Variants in ANKRA2 observed in about 807,000 individuals in gnomAD.
ANKRA2 encodes the protein ankyrin repeat family A member 2.
Under a neutral mutation model 37.8 loss-of-function variants are expected in ANKRA2, and 33 were observed. The observed-to-expected ratio is 0.87, with a 90% CI of 0.66 to 1.17. ANKRA2 has a LOEUF of 1.17. Among genes scored for constraint, ANKRA2 ranks in the 50% most tolerant of loss-of-function variants. The pLI is 0.00. For missense variants in ANKRA2, 326 were observed against 373.7 expected (o/e 0.87, Z 1.05); for synonymous variants, 126 against 132.3 (o/e 0.95, Z 0.33).
chr5:73,552,884 C>G (rs976618642), intron 8 of ANKRA2, 32 bp from the exon 9 acceptor site: 2 of 1,517,140 alleles, frequency 1.3e-6, no homozygotes, highest in African/African-American at 1.4e-5. Context: ...GATTACAGCA[C>G]AGTGACTATA....
chr5:73,554,371 CAG>C lies in ANKRA2; in HGVS notation c.754_755del (p.Leu252AlafsTer21). On this transcript the variant is annotated frameshift_variant, in exon 7 of 9. Coordinates refer to ENST00000296785, the MANE Select transcript of ANKRA2 (RefSeq NM_023039.5). LOFTEE classifies it high-confidence loss of function. ...CATGATTTCCATGTACAGCATAAAG[CAG>C]AGGTGTTCCTCCATTCTGCAAAATG... ...NEYDWNGGTP[L>X]LYAVHGNHVK... The C allele has an allele frequency of 1.2e-6, 2 of 1,613,418 alleles. No homozygotes were observed. The highest frequency in any genetic ancestry group is 1.7e-5 in the Admixed American group (1 of 59,942).
At chr5:73,555,459 A>G (rs374150077) in intron 5 of ANKRA2, 29 bp downstream of exon 5, 2 of 1,611,026 alleles carry the variant, frequency 1.2e-6, no homozygotes, top group African/African-American at 1.3e-5. Context: ...GTAACTATAC[A>G]TATACATTTT....
chr5:73,561,466 CA>C (rs796578276), intron 2 of ANKRA2, 178 bp from the exon 3 acceptor site: 82,881 of 464,520 alleles, frequency 0.18, no homozygotes, highest in South Asian at 0.27. Context: ...AATGGTTAGT[CA>C]AAAAAAAAAA....
intron 4 of ANKRA2, among the ~76,000 whole-genome samples, chr5:73,556,807 A>G (rs373014143): frequency 6.6e-6 from 1 of 152,100 alleles, no homozygotes; most frequent in Non-Finnish European, 1.5e-5. Flanking sequence ...CCAGTAGACC[A>G]TAACTTAAAA....
At chr5:73,553,625 A>ACTC in intron 7 of ANKRA2, 139 bp from the exon 8 acceptor site, 2 of 671,768 alleles carry the variant, frequency 3.0e-6, no homozygotes, top group Non-Finnish European at 5.1e-6. Context: ...TACAGAGTGC[A>ACTC]TGGGGTACTT....
chr5:73,561,683 C>T (rs1424923324), intron 2 of ANKRA2, among the ~76,000 whole-genome samples: 1 of 151,984 alleles, frequency 6.6e-6, no homozygotes, highest in Non-Finnish European at 1.5e-5. Flanking sequence ...AGGAGAATTG[C>T]TTGAACCCAG....
At chr5:73,555,384 G>T in intron 5 of ANKRA2, 104 bp downstream of exon 5, 3 of 1,480,744 alleles carry the variant, frequency 2.0e-6, no homozygotes, top group South Asian at 1.3e-5. Context: ...AACTTTTTTT[G>T]GTAGCCTCTA....
In ANKRA2 at chr5:73,562,974, A is replaced by G. The variant is rs1747596837; in HGVS notation, c.-93T>C. 2.5e-6 allele frequency: 3 copies of G among 1,196,818 alleles called. No individual in the cohort carries two copies. The highest frequency in any genetic ancestry group is 3.4e-6 in the Non-Finnish European group (3 of 877,144). The allele number at this position is 1,196,818 out of a possible 1,614,324, so 74.1% of individuals were successfully genotyped here. On this transcript the variant is annotated 5_prime_UTR_variant, in exon 2 of 9. Coordinates refer to ENST00000296785, the MANE Select transcript of ANKRA2 (RefSeq NM_023039.5). ...TATCCAGTGTGTTCTTGGAATCTGG[A>G]TATTTAAAAATCTGAAAGAAAAAAT...
chr5:73,552,893 T>C (rs781253300), intron 8 of ANKRA2, 41 bp from the exon 9 acceptor site: 6 of 1,480,042 alleles, frequency 4.1e-6, no homozygotes, highest in South Asian at 1.2e-5. Context: ...ACAGTGACTA[T>C]AAAATTTCTT....
At chr5:73,557,722 A>G in intron 3 of ANKRA2, 82 bp from the exon 4 acceptor site, 1 of 978,090 alleles carries the variant, frequency 1.0e-6, no homozygotes, top group African/African-American at 1.7e-5. Flanking sequence ...TGTGTCACCA[A>G]TTTTCTTTTC....
intron 1 of ANKRA2, among the ~76,000 whole-genome samples, chr5:73,564,304 G>A (rs1218301214): frequency 6.6e-6 from 1 of 152,144 alleles, no homozygotes; most frequent in Non-Finnish European, 1.5e-5. Context: ...CTCCTATCCA[G>A]CGGTTGGCTA....
chr5:73,559,126 A>C (rs931395107), intron 3 of ANKRA2, among the ~76,000 whole-genome samples: 20 of 152,232 alleles, frequency 1.3e-4, no homozygotes, highest in Non-Finnish European at 4.4e-5. Flanking sequence ...AATTTATATA[A>C]GTAAACCAGA....
chr5:73,553,399 T>C lies in ANKRA2; in HGVS notation c.886+7A>G. ...AAGATGAGACACAGGAGTTCTAACA[T>C]ACTTACCACTTCTATAGCCTAGGGC... On this transcript the variant is annotated splice_region_variant and intron_variant, in intron 8 of 8. Coordinates refer to ENST00000296785, the MANE Select transcript of ANKRA2 (RefSeq NM_023039.5). 1 of 1,604,432 alleles carries C rather than the reference T, an allele frequency of 6.2e-7. No individual in the cohort carries two copies. The highest frequency in any genetic ancestry group is 8.5e-7 in the Non-Finnish European group (1 of 1,172,464).
chr5:73,561,152 A>C lies in ANKRA2; in HGVS notation c.426T>G (p.Ser142=). The C allele has an allele frequency of 6.2e-7, 1 of 1,613,828 alleles. No homozygotes were observed. Among genetic ancestry groups the C allele is most frequent in the Non-Finnish European group, 8.5e-7 (1 of 1,179,892 alleles). Reference sequence around the variant, plus strand: ...TACAATTTGCTAACAGAGGTGTGGTAGAGACCTCATTTCCTCTGTGTTTGT... The same window carrying C: ...TACAATTTGCTAACAGAGGTGTGGTCGAGACCTCATTTCCTCTGTGTTTGT... The part of the protein sequence containing the change: ...LTNKHRGNEV[S]TTPLLANSLS... The change falls in exon 3 of 9, where the codon TCT becomes TCG. Residue 142 remains serine (S), a synonymous_variant. Coordinates refer to ENST00000296785, the MANE Select transcript of ANKRA2 (RefSeq NM_023039.5).
intron 3 of ANKRA2, among the ~76,000 whole-genome samples, chr5:73,558,043 C>G (rs1438202843): frequency 1.3e-5 from 2 of 151,964 alleles, no homozygotes; most frequent in South Asian, 2.1e-4. Context: ...TGCCACTGCA[C>G]TCCAGTCTGG....
chr5:73,563,093 C>T (rs343106), intron 1 of ANKRA2, 108 bp from the exon 2 acceptor site: 321,872 of 456,846 alleles, frequency 0.7, 113,911 homozygotes, highest in East Asian at 0.83. Context: ...AAAGCACCTA[C>T]ACATAATAGA....
At chr5:73,553,333 T>C (rs1452778933) in intron 8 of ANKRA2, 73 bp downstream of exon 8, 17 of 1,092,720 alleles carry the variant, frequency 1.6e-5, no homozygotes, top group Admixed American at 2.3e-5. Context: ...GTGATAAAGA[T>C]GGTTTGGAGT....
At chr5:73,555,037 T>C in intron 5 of ANKRA2, 51 bp from the exon 6 acceptor site, 1 of 1,580,896 alleles carries the variant, frequency 6.3e-7, no homozygotes, top group East Asian at 2.2e-5. Context: ...TAAACAAGAA[T>C]ATTGTTATTC....
chr5:73,553,427 C>T lies in ANKRA2; in HGVS notation c.865G>A (p.Val289Ile). 1.9e-6 allele frequency: 3 copies of T among 1,613,216 alleles called. No individual in the cohort carries two copies. In the East Asian group the frequency reaches 6.7e-5, roughly 36 times the overall value. Residue 289 changes from valine to isoleucine, a missense_variant, in exon 8 of 9, where the codon GTA becomes ATA. Val to Ile is a conservative substitution (Grantham distance 29). Around this residue, in one of 3 missense-constraint regions of ANKRA2, gnomAD observed 228 missense variants for 260.2 expected, o/e 0.88. Coordinates refer to ENST00000296785, the MANE Select transcript of ANKRA2 (RefSeq NM_023039.5). ...TTACCACTTCTATAGCCTAGGGCTA[C>T]AGCTAGATCCATAGAATTATATCCA... is the stretch of plus-strand genomic sequence containing the variant. ...DSGYNSMDLAVALGYRSVQQV... is the reference protein window; with the variant it reads ...DSGYNSMDLAIALGYRSVQQV...
Sources: gnomAD v4.1 joint callset for allele counts (sites outside exome capture counted in the v4.1 genomes callset) on GRCh38, gnomAD v4.1.1 for gene constraint, gnomAD v4.1.1 regional missense constraint, MANE v1.5 for transcripts, NCBI Gene and HGNC (gene_info 2026-07-23, HGNC 2026-07-21) for gene names.